Variants in SPOCK3 observed in about 807,000 individuals in gnomAD.
The protein encoded by SPOCK3 is testican-3.
A neutral mutation model predicts 56.6 loss-of-function variants in SPOCK3; 30 were observed. The observed-to-expected ratio is 0.53, with a 90% confidence interval of 0.40 to 0.72. The LOEUF (loss-of-function observed/expected upper bound fraction) is 0.72. Ranked by LOEUF, SPOCK3 falls within the 30% of genes least tolerant of loss-of-function variation. The pLI, the probability that SPOCK3 is intolerant of heterozygous loss-of-function variation, is 0.00. For missense variants in SPOCK3, 527 were observed against 530.0 expected, an observed-to-expected ratio of 0.99 and a Z score of 0.06; for synonymous variants, 196 against 183.3, an observed-to-expected ratio of 1.07 and a Z score of -0.56.
At chr4:166,748,544 C>A (rs1302925878) in intron 8 of SPOCK3, among the ~76,000 whole-genome samples, 1 of 136,668 alleles carries the variant, frequency 7.3e-6, no homozygotes, top group Admixed American at 7.0e-5. Flanking sequence ...TAGAAGAAAA[C>A]CTAGGCAATA....
At chr4:166,956,945 C>T (rs1365288002) in intron 4 of SPOCK3, among the ~76,000 whole-genome samples, 2 of 152,160 alleles carry the variant, frequency 1.3e-5, no homozygotes, top group Non-Finnish European at 2.9e-5. Context: ...TGCACTCTTG[C>T]AGTTGTACAT....
chr4:167,220,378 C>CTTTTTTTTTTTT lies in SPOCK3; in HGVS notation c.189+13595_189+13606dup, dbSNP rs61002914. Among the ~76,000 whole-genome samples the CTTTTTTTTTTTT allele has an allele frequency of 1.2e-3, 160 of 130,014 alleles. 1 individual carries two copies. The highest frequency in any genetic ancestry group is 2.1e-3 in the African/African-American group (72 of 34,732). 85.3% of individuals were successfully genotyped at this position (130,014 alleles called of 152,430 possible). On this transcript the variant is annotated intron_variant, in intron 2 of 10. Coordinates refer to ENST00000357545, the MANE Select transcript of SPOCK3 (RefSeq NM_001040159.2). The stretch of plus-strand genomic sequence containing the variant: ...ATCCAAACAACAGATACTGTAAGAA[C>CTTTTTTTTTTTT]TTTTTTTTTTTTTTTTTTGAGACAG...
At chr4:167,224,366 A>G (rs1736378778) in intron 2 of SPOCK3, among the ~76,000 whole-genome samples, 1 of 152,166 alleles carries the variant, frequency 6.6e-6, no homozygotes, top group East Asian at 1.9e-4. Flanking sequence ...ATATTCAAAA[A>G]TGTAGATAAA....
At chr4:166,835,007 C>T (rs913976736) in intron 6 of SPOCK3, among the ~76,000 whole-genome samples, 3 of 151,934 alleles carry the variant, frequency 2.0e-5, no homozygotes, top group Admixed American at 6.6e-5. Flanking sequence ...TGAAGATTTA[C>T]CATTAATATG....
intron 8 of SPOCK3, among the ~76,000 whole-genome samples, chr4:166,743,707 A>G (rs544963770): frequency 1.3e-5 from 2 of 152,202 alleles, no homozygotes; most frequent in East Asian, 3.9e-4. Flanking sequence ...TTCCCAGCCA[A>G]GGGAAGCCGT....
At chr4:166,998,779 CT>C (rs1237377396) in intron 4 of SPOCK3, among the ~76,000 whole-genome samples, 1 of 151,944 alleles carries the variant, frequency 6.6e-6, no homozygotes, top group Non-Finnish European at 1.5e-5. Context: ...CAGTTTTTTG[CT>C]TTTATGGGAG....
chr4:166,891,599 A>C (rs1048898568), intron 5 of SPOCK3, among the ~76,000 whole-genome samples: 3 of 152,034 alleles, frequency 2.0e-5, no homozygotes, highest in Admixed American at 6.6e-5. Flanking sequence ...AGATTTTGTC[A>C]GTAAAATCAC....
chr4:167,185,332 C>T (rs1395952561), intron 2 of SPOCK3, among the ~76,000 whole-genome samples: 3 of 152,166 alleles, frequency 2.0e-5, no homozygotes, highest in African/African-American at 7.2e-5. Context: ...AATATTCCCA[C>T]CATTGATAAA....
At chr4:166,918,719 AAATT>A (rs1381715160) in intron 4 of SPOCK3, among the ~76,000 whole-genome samples, 15 of 152,304 alleles carry the variant, frequency 9.8e-5, no homozygotes, top group African/African-American at 3.6e-4. Context: ...TTCCTAAGAT[AAATT>A]AACTACAATC....
chr4:166,829,958 A>G (rs1467386145), intron 6 of SPOCK3, among the ~76,000 whole-genome samples: 1 of 152,166 alleles, frequency 6.6e-6, no homozygotes, highest in Non-Finnish European at 1.5e-5. Flanking sequence ...GAAAATTTGT[A>G]TTTGTGAGAA....
At chr4:167,167,816 A>G (rs897199814) in intron 2 of SPOCK3, among the ~76,000 whole-genome samples, 1 of 152,136 alleles carries the variant, frequency 6.6e-6, no homozygotes, top group African/African-American at 2.4e-5. Flanking sequence ...TCATATCGGT[A>G]CCTTTAACAT....
At chr4:167,072,691 A>G (rs1400979896) in intron 2 of SPOCK3, among the ~76,000 whole-genome samples, 2 of 151,866 alleles carry the variant, frequency 1.3e-5, no homozygotes, top group Non-Finnish European at 2.9e-5. Flanking sequence ...TTCTTTTCTG[A>G]CCATCAGTAT....
chr4:166,743,656 A>C (rs1180074007), intron 8 of SPOCK3, among the ~76,000 whole-genome samples: 1 of 152,214 alleles, frequency 6.6e-6, no homozygotes, highest in African/African-American at 2.4e-5. Context: ...AGGGCGGGAC[A>C]TCGCCTCACC....
At chr4:167,012,684 T>G (rs1750205891) in intron 3 of SPOCK3, among the ~76,000 whole-genome samples, 1 of 151,996 alleles carries the variant, frequency 6.6e-6, no homozygotes, top group African/African-American at 2.4e-5. Context: ...CCATCTTTCA[T>G]TTGTTAAAAT....
chr4:167,005,439 C>T (rs13105146), intron 3 of SPOCK3, among the ~76,000 whole-genome samples: 11 of 151,664 alleles, frequency 7.3e-5, no homozygotes, highest in Non-Finnish European at 1.2e-4. Context: ...GGTCTCGATC[C>T]CCTGACCTCG....
chr4:166,925,424 C>T (rs1352285695), intron 4 of SPOCK3, among the ~76,000 whole-genome samples: 9 of 151,996 alleles, frequency 5.9e-5, no homozygotes, highest in Admixed American at 3.9e-4. Context: ...GACCTCACTG[C>T]CTGAACCTGA....
chr4:166,908,131 AG>A (rs1345914024), intron 5 of SPOCK3, among the ~76,000 whole-genome samples: 4 of 152,028 alleles, frequency 2.6e-5, no homozygotes, highest in African/African-American at 9.7e-5. Context: ...ATTAAGAGAA[AG>A]TAAGAACATG....
intron 4 of SPOCK3, among the ~76,000 whole-genome samples, chr4:166,984,714 CTCT>C (rs1175404477): frequency 6.6e-6 from 1 of 152,104 alleles, no homozygotes; most frequent in Non-Finnish European, 1.5e-5. Context: ...ATAAAATCCT[CTCT>C]TCTAAGACAG....
chr4:167,171,232 C>A (rs1267972637), intron 2 of SPOCK3, among the ~76,000 whole-genome samples: 1 of 152,040 alleles, frequency 6.6e-6, no homozygotes, highest in Non-Finnish European at 1.5e-5. Flanking sequence ...TCAAACTAAC[C>A]AGCTGCACAT....
Sources: allele counts gnomAD v4.1 joint callset (sites outside exome capture counted in the v4.1 genomes callset), GRCh38; gene constraint gnomAD v4.1.1; transcripts MANE v1.5; gene names NCBI Gene and HGNC (gene_info 2026-07-23, HGNC 2026-07-21).